The following USP3 variants were observed in gnomAD, a reference collection of about 807,000 sequenced individuals.
USP3 encodes ubiquitin carboxyl-terminal hydrolase 3.
In USP3, 20 loss-of-function variants were observed where a neutral mutation model predicts 72.3. The observed-to-expected ratio is 0.28, with a 90% CI of 0.19 to 0.40. The LOEUF is 0.40. Ranked by LOEUF, USP3 falls within the 10% of genes least tolerant of loss-of-function variation. The pLI is 1.00. For missense variants in USP3, 479 were observed against 633.9 expected, an observed-to-expected ratio of 0.76 and a Z score of 2.62; for synonymous variants, 222 against 225.3, an observed-to-expected ratio of 0.99 and a Z score of 0.13.
Position 63,556,662 on chromosome 15 carries a change from A to C in USP3, c.369-5A>C, listed in dbSNP as rs1432325281. Reference sequence around the variant, plus strand: ...CTTTTTCACTATCTGTTTGTGTTTTAATAGCTCAGCTTTCACAGCTGACAG... The same window carrying C: ...CTTTTTCACTATCTGTTTGTGTTTTCATAGCTCAGCTTTCACAGCTGACAG... On this transcript the variant is annotated splice_region_variant and splice_polypyrimidine_tract_variant and intron_variant, in intron 4 of 14. Transcript: ENST00000380324. 2.5e-6 allele frequency: 4 copies of C among 1,599,594 alleles called. No homozygotes were observed. The highest frequency in any genetic ancestry group is 3.4e-6 in the Non-Finnish European group (4 of 1,173,610).
chr15:63,574,996 G>A lies in USP3; in HGVS notation c.1096+593G>A, dbSNP rs1431600579. Among the ~76,000 whole-genome samples, 1 of 152,062 alleles carries A rather than the reference G, an allele frequency of 6.6e-6. No homozygotes were observed. The highest frequency in any genetic ancestry group is 2.4e-5 in the African/African-American group (1 of 41,408). On this transcript the variant is annotated intron_variant, in intron 11 of 14. Coordinates refer to ENST00000380324, the MANE Select transcript of USP3 (RefSeq NM_006537.4). This position sits in a 1 kb window ranked among gnomAD's most constrained non-coding sequence, Gnocchi z 4.6. ...CAGGTCACAATTAAAATGACTAATT[G>A]TTCTTGCTAGTTATATAAAGAAGCT... is the stretch of plus-strand genomic sequence containing the variant.
intron 11 of USP3, among the ~76,000 whole-genome samples, chr15:63,581,343 TTTTGTGTGTGTGTGTGTGTGTG>T (rs1383391866): frequency 4.5e-5 from 6 of 132,378 alleles, no homozygotes; most frequent in African/African-American, 1.7e-4. Flanking sequence ...TTGTGTTGGT[TTTTGTGTGTGTGTGTGTGTGTG>T]TGTGTGTGTG....
rs1450444213 is a variant in USP3 at position 63,556,691 on chromosome 15, TAAGAA to T, written c.401_405del (p.Arg134ThrfsTer44). ...GCTCAGCTTTCACAGCTGACAGGCATAAGAAAAGAAAACTTTTGGAAAACTCAACA... is the reference window on the plus strand; with the variant it reads ...GCTCAGCTTTCACAGCTGACAGGCATAAGAAAACTTTTGGAAAACTCAACA... On this transcript the variant is annotated frameshift_variant, in exon 5 of 15. Transcript: ENST00000380324. LOFTEE classifies it high-confidence loss of function. 1 of 1,608,890 alleles carries T rather than the reference TAAGAA, an allele frequency of 6.2e-7. No homozygotes were observed. Among genetic ancestry groups the T allele is most frequent in the Admixed American group, 1.7e-5 (1 of 59,082 alleles).
chr15:63,579,578 T>A (rs909476818), intron 11 of USP3, among the ~76,000 whole-genome samples: 1 of 152,210 alleles, frequency 6.6e-6, no homozygotes, highest in Non-Finnish European at 1.5e-5. Context: ...GTTTCAATAT[T>A]TAAATGTGAA....
At chr15:63,536,454 GAAA>G (rs11406191) in intron 2 of USP3, among the ~76,000 whole-genome samples, 1 of 141,092 alleles carries the variant, frequency 7.1e-6, no homozygotes, top group Non-Finnish European at 1.5e-5. Context: ...TGGTCTGAGA[GAAA>G]AAAAAAAAAA....
intron 1 of USP3, among the ~76,000 whole-genome samples, chr15:63,511,266 TA>T (rs61283920): frequency 2.3e-4 from 10 of 42,862 alleles, no homozygotes; most frequent in African/African-American, 3.7e-4. Flanking sequence ...TGCTTTTTCT[TA>T]AAAAAAAAAA....
intron 11 of USP3, among the ~76,000 whole-genome samples, chr15:63,577,962 G>T (rs1010032445): frequency 3.3e-5 from 5 of 150,098 alleles, no homozygotes; most frequent in Admixed American, 6.6e-5. Context: ...AATAGATACT[G>T]ATAAAATCCC....
chr15:63,588,489 T>C lies in USP3; in HGVS notation c.1215+66T>C. On this transcript the variant is annotated intron_variant, in intron 12 of 14. Transcript: ENST00000380324. The surrounding 1 kb of genome is among the most constrained non-coding windows in gnomAD (Gnocchi z 4.6). ...AAAGTGCTTGACTGCTAAGACCATG[T>C]CTATAACTTTACACTATGTGAACTG... The C allele has an allele frequency of 8.4e-7, 1 of 1,197,450 alleles. No individual in the cohort carries two copies. Among genetic ancestry groups the C allele is most frequent in the Non-Finnish European group, 1.2e-6 (1 of 829,884 alleles). The allele number at this position is 1,197,450 out of a possible 1,614,324, so 74.2% of individuals were successfully genotyped here. A position where few individuals can be genotyped will look rare whatever the true frequency, so the allele number is the denominator to read the frequency against.
Position 63,574,951 on chromosome 15 carries a change from C to CT in USP3, c.1096+549dup, listed in dbSNP as rs548635507. ...AGAAGACCTTATTTAAAATTTTATC[C>CT]TAGACCATAAGTGTACAGACAGGTC... On this transcript the variant is annotated intron_variant, in intron 11 of 14. Transcript: ENST00000380324. The surrounding 1 kb of genome is among the most constrained non-coding windows in gnomAD (Gnocchi z 4.6). Among the ~76,000 whole-genome samples the CT allele has an allele frequency of 3.0e-4, 45 of 152,156 alleles. No individual in the cohort carries two copies. The highest frequency in any genetic ancestry group is 1.1e-3 in the African/African-American group (44 of 41,508).
rs1178181436 is a variant in USP3 at position 63,537,187 on chromosome 15, C to T, written c.284+31C>T. 2.5e-6 allele frequency: 4 copies of T among 1,605,660 alleles called. No homozygotes were observed. In the Admixed American group the frequency reaches 5.1e-5, roughly 20 times the overall value. ...TTAACATTTTCTGGAAATGAGATTT[C>T]TTACTGTGTGCAAGTGTGCTCTCCT... On this transcript the variant is annotated intron_variant, in intron 3 of 14. Transcript: ENST00000380324.
rs1595709528 is a variant in USP3 at position 63,520,878 on chromosome 15, T to A, written c.92-11769T>A. On this transcript the variant is annotated intron_variant, in intron 1 of 14. Transcript: ENST00000380324. ...ATGCCTGGCCCCATTTTAAGATTTT[T>A]AAAATCTCATCCTTACTGATTTTAT... Among the ~76,000 whole-genome samples, 4 of 152,250 alleles carry A rather than the reference T, an allele frequency of 2.6e-5. No individual in the cohort carries two copies. In the South Asian group the frequency reaches 6.2e-4, roughly 24 times the overall value.
chr15:63,560,692 G>A (rs575431389), intron 7 of USP3, among the ~76,000 whole-genome samples: 1 of 151,888 alleles, frequency 6.6e-6, no homozygotes, highest in Non-Finnish European at 1.5e-5. Flanking sequence ...GATACGGAGA[G>A]GGGGGGAAGA....
Position 63,590,797 on chromosome 15 carries a change from C to T in USP3, c.1534C>T (p.Gln512Ter), listed in dbSNP as rs147292232. 1 of 1,613,598 alleles carries T rather than the reference C, an allele frequency of 6.2e-7. No individual in the cohort carries two copies. The highest frequency in any genetic ancestry group is 8.5e-7 in the Non-Finnish European group (1 of 1,179,854). Residue 512 changes from glutamine to a stop codon, truncating the protein, a stop_gained, in exon 15 of 15, where the codon CAG (glutamine) becomes TAG (stop). Transcript: ENST00000380324. LOFTEE classifies it high-confidence loss of function. ...CTACATCCTTTTCTACGTGGAACAC[C>T]AGGCCAAAGCTGGATCGGATAAACT... is the stretch of plus-strand genomic sequence containing the variant. ...KAYILFYVEH[Q>*]AKAGSDKL
chr15:63,593,078 G>A lies in USP3; in HGVS notation c.*2252G>A, dbSNP rs1308998109. 1 of 152,200 alleles carries A rather than the reference G, an allele frequency of 6.6e-6. No individual in the cohort carries two copies. The highest frequency in any genetic ancestry group is 1.9e-4 in the East Asian group (1 of 5,208). The allele number at this position is 152,200 out of a possible 1,614,324, so 9.4% of individuals were successfully genotyped here. A position where few individuals can be genotyped will look rare whatever the true frequency, so the allele number is the denominator to read the frequency against. On this transcript the variant is annotated 3_prime_UTR_variant, in exon 15 of 15. Transcript: ENST00000380324. ...CCACATACGGCGTAGGACAATGCTG[G>A]TCTAAATTTTCACTCCAAAGAATAA...
intron 3 of USP3, among the ~76,000 whole-genome samples, chr15:63,552,901 A>G (rs1476559225): frequency 6.6e-6 from 1 of 152,222 alleles, no homozygotes; most frequent in Admixed American, 6.5e-5. Flanking sequence ...TTTCATGCAA[A>G]GCATATTCAA....
chr15:63,506,370 GA>G (rs35639661), intron 1 of USP3, among the ~76,000 whole-genome samples: 95,066 of 149,346 alleles, frequency 0.64, 31,780 homozygotes, highest in African/African-American at 0.8. Context: ...GAAATTTGAA[GA>G]AAAAAAAAAA....
At chr15:63,582,517 T>C (rs997546303) in intron 11 of USP3, among the ~76,000 whole-genome samples, 1 of 152,196 alleles carries the variant, frequency 6.6e-6, no homozygotes, top group Non-Finnish European at 1.5e-5. Flanking sequence ...GCTCAGCTTA[T>C]ATTGCCTCTT....
intron 1 of USP3, among the ~76,000 whole-genome samples, chr15:63,521,949 T>C (rs1429428424): frequency 6.6e-6 from 1 of 152,184 alleles, no homozygotes; most frequent in Non-Finnish European, 1.5e-5. Flanking sequence ...CCTCCGGTGA[T>C]TTGTTTATTT....
intron 11 of USP3, among the ~76,000 whole-genome samples, chr15:63,587,029 C>T (rs960982290): frequency 6.6e-6 from 1 of 152,290 alleles, no homozygotes; most frequent in South Asian, 2.1e-4. Context: ...CAAAGGCTGA[C>T]TATGGCTTGG....
Sources: gnomAD v4.1 joint callset for allele counts (sites outside exome capture counted in the v4.1 genomes callset) on GRCh38, gnomAD v4.1.1 for gene constraint, Gnocchi (gnomAD v3.1) non-coding constraint, MANE v1.5 for transcripts, NCBI Gene and HGNC (gene_info 2026-07-23, HGNC 2026-07-21) for gene names.